The following KCNRG variants were observed in gnomAD, a reference collection of about 807,000 sequenced individuals.
KCNRG encodes potassium channel regulator, also known as potassium channel regulatory protein.
Under a neutral mutation model 17.7 loss-of-function variants are expected in KCNRG, and 17 were observed. The ratio of observed to expected loss-of-function variants is 0.96; its 90% CI spans 0.66 to 1.44. KCNRG has a LOEUF of 1.44. KCNRG is among the 40% of genes most tolerant of loss of function. The pLI, the probability that KCNRG is intolerant of heterozygous loss-of-function variation, is 0.00. For missense variants in KCNRG, 311 were observed against 321.1 expected (o/e 0.97, Z 0.24); for synonymous variants, 97 against 116.5 (o/e 0.83, Z 1.08).
chr13:50,019,633 T>C (rs1877025206), intron 1 of KCNRG, among the ~76,000 whole-genome samples: 1 of 152,198 alleles, frequency 6.6e-6, no homozygotes, highest in African/African-American at 2.4e-5. Flanking sequence ...TGATCAAATG[T>C]TTTCTTTAGA....
chr13:50,020,611 A>G lies in KCNRG; in HGVS notation c.*157A>G. 1 of 673,016 alleles carries G rather than the reference A, an allele frequency of 1.5e-6. No individual in the cohort carries two copies. 41.7% of individuals were successfully genotyped at this position (673,016 alleles called of 1,614,324 possible). On this transcript the variant is annotated 3_prime_UTR_variant, in exon 2 of 2. Coordinates refer to ENST00000312942, the MANE Select transcript of KCNRG (RefSeq NM_173605.2). ...ACCAGGCCCCAACTGTGCTTAAGCC[A>G]TAATGCCTGCTGCTCTCTAGACAAC... is the stretch of plus-strand genomic sequence containing the variant.
Position 50,020,346 on chromosome 13 carries a change from T to G in KCNRG, c.711T>G (p.Thr237=). ...STRTVSSEDK[T]ECYSFERIKS... ...GAACAGTATCTTCTGAAGACAAAAC[T>G]GAATGCTATAGCTTTGAAAGGATAA... Residue 237 remains threonine, a synonymous_variant, in exon 2 of 2, where the codon ACT becomes ACG. Coordinates refer to ENST00000312942, the MANE Select transcript of KCNRG (RefSeq NM_173605.2). 6.2e-7 allele frequency: 1 copy of G among 1,614,120 alleles called. No individual in the cohort carries two copies. The highest frequency in any genetic ancestry group is 1.3e-5 in the African/African-American group (1 of 75,046).
Position 50,020,660 on chromosome 13 carries a change from T to C in KCNRG, c.*206T>C. ...ACTCCATGTACTTGGTGCTTTGGTA[T>C]ATGTTCTACCTTCAATACATCTTTC... On this transcript the variant is annotated 3_prime_UTR_variant, in exon 2 of 2. Transcript: ENST00000312942. The C allele has an allele frequency of 1.8e-6, 1 of 547,694 alleles. No individual in the cohort carries two copies. Among genetic ancestry groups the C allele is most frequent in the Non-Finnish European group, 3.3e-6 (1 of 306,838 alleles). 33.9% of individuals were successfully genotyped at this position (547,694 alleles called of 1,614,324 possible). A position where few individuals can be genotyped will look rare whatever the true frequency, so the allele number is the denominator to read the frequency against.
At chr13:50,019,062 G>A (rs1876967663) in intron 1 of KCNRG, 1 of 152,470 alleles carries the variant, frequency 6.6e-6, no homozygotes, top group African/African-American at 2.4e-5. Flanking sequence ...ACAGGCATGA[G>A]GCACTACGCC....
chr13:50,017,391 T>C (rs1213642957), intron 1 of KCNRG: 1 of 167,106 alleles, frequency 6.0e-6, no homozygotes, highest in East Asian at 1.9e-4. Flanking sequence ...AATTGTTTCC[T>C]TGAAAAACAT....
intron 1 of KCNRG, chr13:50,018,322 TTA>T (rs1367564621): frequency 6.0e-6 from 1 of 166,742 alleles, no homozygotes; most frequent in Non-Finnish European, 1.5e-5. Context: ...CTTAATTCTT[TTA>T]TGAGATGTTC....
Position 50,015,991 on chromosome 13 carries a change from G to A in KCNRG, c.498G>A (p.Leu166=), listed in dbSNP as rs1378519974. 2 of 1,614,070 alleles carry A rather than the reference G, an allele frequency of 1.2e-6. No homozygotes were observed. Among genetic ancestry groups the A allele is most frequent in the East Asian group, 2.2e-5 (1 of 44,876 alleles). The change falls in exon 1 of 2, where the codon CTG becomes CTA. Residue 166 remains leucine, a synonymous_variant. Coordinates refer to ENST00000312942, the MANE Select transcript of KCNRG (RefSeq NM_173605.2). The stretch of plus-strand genomic sequence containing the variant: ...CTCCTCAGATGACCTTACTTCCACT[G>A]CCTCCACAAAGACCTTCTTACCATG... The part of the protein sequence containing the change: ...FFPPQMTLLP[L]PPQRPSYHDL...
intron 1 of KCNRG, 112 bp from the exon 2 acceptor site, chr13:50,020,102 T>A (rs575159987): frequency 3.2e-6 from 3 of 931,488 alleles, no homozygotes; most frequent in South Asian, 3.5e-5. Flanking sequence ...AAAAAAAAAA[T>A]CTGTCTTGAG....
rs1231683165 is a variant in KCNRG at position 50,015,944 on chromosome 13, AC to A, written c.453del (p.Trp152GlyfsTer10). ...TVFTEQPSAP[T>X]WNGNFFPPQM... ...GTTTACAGAACAACCTTCAGCGCCG[AC>A]CTGGAATGGTAACTTTTTCCCTCCT... On this transcript the variant is annotated frameshift_variant, in exon 1 of 2. Coordinates refer to ENST00000312942, the MANE Select transcript of KCNRG (RefSeq NM_173605.2). LOFTEE classifies it high-confidence loss of function. The A allele has an allele frequency of 6.2e-7, 1 of 1,614,076 alleles. No individual in the cohort carries two copies. The highest frequency in any genetic ancestry group is 8.5e-7 in the Non-Finnish European group (1 of 1,179,974).
chr13:50,016,279 G>A (rs1594595464), intron 1 of KCNRG: 2 of 508,358 alleles, frequency 3.9e-6, no homozygotes, highest in Non-Finnish European at 7.1e-6. Flanking sequence ...TATTAGGTGG[G>A]ACAAAAGGAA....
In KCNRG at chr13:50,015,999, A is replaced by G. The variant is rs772658100; in HGVS notation, c.506A>G (p.Gln169Arg). The G allele has an allele frequency of 5.0e-6, 8 of 1,613,974 alleles. No homozygotes were observed. In the East Asian group the frequency reaches 1.8e-4, roughly 36 times the overall value. ...ATGACCTTACTTCCACTGCCTCCAC[A>G]AAGACCTTCTTACCATGACCTGGTT... ...PQMTLLPLPP[Q>R]RPSYHDLVFQ... is the part of the protein sequence containing the mutation. The change falls in exon 1 of 2, where the codon CAA (glutamine) becomes CGA (arginine). Residue 169 changes from glutamine (Q) to arginine (R), a missense_variant. Coordinates refer to ENST00000312942, the MANE Select transcript of KCNRG (RefSeq NM_173605.2).
intron 1 of KCNRG, chr13:50,016,458 CTT>C (rs1176204329): frequency 4.9e-6 from 1 of 205,848 alleles, no homozygotes; most frequent in South Asian, 1.1e-4. Flanking sequence ...ACTGGTTTCT[CTT>C]GAGTTCCTTA....
chr13:50,020,622 T>C lies in KCNRG; in HGVS notation c.*168T>C, dbSNP rs1409663525. 2 of 628,236 alleles carry C rather than the reference T, an allele frequency of 3.2e-6. No individual in the cohort carries two copies. Among genetic ancestry groups the C allele is most frequent in the South Asian group, 1.9e-5 (1 of 51,490 alleles). 38.9% of individuals were successfully genotyped at this position (628,236 alleles called of 1,614,324 possible). Reference sequence around the variant, plus strand: ...ACTGTGCTTAAGCCATAATGCCTGCTGCTCTCTAGACAACTCCATGTACTT... The same window carrying C: ...ACTGTGCTTAAGCCATAATGCCTGCCGCTCTCTAGACAACTCCATGTACTT... On this transcript the variant is annotated 3_prime_UTR_variant, in exon 2 of 2. Transcript: ENST00000312942.
intron 1 of KCNRG, chr13:50,016,785 A>G (rs1876645638): frequency 6.0e-6 from 1 of 166,874 alleles, no homozygotes; most frequent in Admixed American, 6.5e-5. Flanking sequence ...TATTTTACCA[A>G]CTGTGAAAGC....
chr13:50,017,678 G>A (rs2138456289), intron 1 of KCNRG: 1 of 167,154 alleles, frequency 6.0e-6, no homozygotes, highest in East Asian at 1.9e-4. Flanking sequence ...AGTAGAGATA[G>A]CCAATCTGAA....
chr13:50,016,134 G>A lies in KCNRG; in HGVS notation c.578+63G>A, dbSNP rs1876530114. The A allele has an allele frequency of 2.4e-6, 3 of 1,256,340 alleles. No individual in the cohort carries two copies. The East Asian group carries it at 7.1e-5, about 30-fold the overall frequency. 77.8% of individuals were successfully genotyped at this position (1,256,340 alleles called of 1,614,324 possible). A position where few individuals can be genotyped will look rare whatever the true frequency, so the allele number is the denominator to read the frequency against. ...TTTGTGATGTTTTCTCTAAAAACTTGAAGTTCCTCAGGCCTGTAACTTCTG... is the reference window on the plus strand; with the variant it reads ...TTTGTGATGTTTTCTCTAAAAACTTAAAGTTCCTCAGGCCTGTAACTTCTG... On this transcript the variant is annotated intron_variant, in intron 1 of 1. Transcript: ENST00000312942.
chr13:50,017,472 T>C (rs1876751873), intron 1 of KCNRG: 2 of 167,108 alleles, frequency 1.2e-5, no homozygotes, highest in Non-Finnish European at 1.5e-5. Flanking sequence ...TTATGTTGTG[T>C]TTTAGAAACA....
rs201151506 is a variant in KCNRG at position 50,020,178 on chromosome 13, A to G, written c.579-36A>G. 7.6e-4 allele frequency: 1,224 copies of G among 1,602,978 alleles called. 11 individuals are homozygous for G. In the African/African-American group the frequency reaches 0.015, roughly 20 times the overall value. On this transcript the variant is annotated intron_variant, in intron 1 of 1. Coordinates refer to ENST00000312942, the MANE Select transcript of KCNRG (RefSeq NM_173605.2). ...TATAGTTTTGCTAGTTATTAAAGGG[A>G]TGCTTTATAATTAAGCTTCTTTTTG...
rs1877101908 is a variant in KCNRG, at chr13:50,020,528, C to T, written c.*74C>T. ...TACGTATTTAGGGCATACATGTTAG[C>T]CAAATCTACACTCAGCCTAACTCTT... On this transcript the variant is annotated 3_prime_UTR_variant, in exon 2 of 2. Transcript: ENST00000312942. The T allele has an allele frequency of 2.0e-6, 3 of 1,469,162 alleles. No individual in the cohort carries two copies. The highest frequency in any genetic ancestry group is 4.6e-5 in the East Asian group (2 of 43,946). 91.0% of individuals were successfully genotyped at this position (1,469,162 alleles called of 1,614,324 possible). A position where few individuals can be genotyped will look rare whatever the true frequency, so the allele number is the denominator to read the frequency against.
Sources: allele counts gnomAD v4.1 joint callset (sites outside exome capture counted in the v4.1 genomes callset), GRCh38; gene constraint gnomAD v4.1.1; transcripts MANE v1.5; gene names NCBI Gene and HGNC (gene_info 2026-07-23, HGNC 2026-07-21).